The following KHDRBS2 variants were observed in gnomAD, a reference collection of about 807,000 sequenced individuals.
KHDRBS2 encodes KH RNA binding domain containing, signal transduction associated 2, also known as KH domain-containing, RNA-binding, signal transduction-associated protein 2.
KHDRBS2 carries 26 observed loss-of-function variants against 44.3 expected under a neutral mutation model. That is an observed-to-expected ratio of 0.59 (90% CI 0.43 to 0.81). KHDRBS2 has a LOEUF of 0.81. Among genes scored for constraint, KHDRBS2 ranks in the 40% least tolerant of loss-of-function variants. The pLI, the probability that KHDRBS2 is intolerant of heterozygous loss-of-function variation, is 0.00. For synonymous variants in KHDRBS2, 194 were observed against 151.1 expected (o/e 1.28, Z -2.08); for missense variants, 476 against 433.1 (o/e 1.10, Z -0.88).
intron 2 of KHDRBS2, among the ~76,000 whole-genome samples, chr6:62,167,281 G>T (rs1401363183): frequency 1.3e-5 from 2 of 151,754 alleles, no homozygotes; most frequent in Non-Finnish European, 2.9e-5. Flanking sequence ...ATTCGTAAGG[G>T]GTCATAAAAA....
intron 6 of KHDRBS2, among the ~76,000 whole-genome samples, chr6:61,883,256 G>A (rs922982989): frequency 1.3e-5 from 2 of 151,980 alleles, no homozygotes; most frequent in African/African-American, 4.8e-5. Flanking sequence ...ATGGCAGTTT[G>A]TCATTTTTGC....
intron 1 of KHDRBS2, among the ~76,000 whole-genome samples, chr6:62,199,713 T>C (rs1268928015): frequency 6.6e-6 from 1 of 152,154 alleles, no homozygotes; most frequent in African/African-American, 2.4e-5. Context: ...ATGACTTTCT[T>C]CACAGAATTC....
chr6:62,009,394 C>T lies in KHDRBS2; in HGVS notation c.337-31182G>A, dbSNP rs190371557. Among the ~76,000 whole-genome samples the T allele has an allele frequency of 5.9e-5, 9 of 152,236 alleles. No homozygotes were observed. In the East Asian group the frequency reaches 1.3e-3, roughly 23 times the overall value. On this transcript the variant is annotated intron_variant, in intron 3 of 8. Transcript: ENST00000281156. ...AAGGCATTCAATTTCAAAAGAGAAA[C>T]AGAGCATAAAAGTTTGGAATAGTTG...
intron 2 of KHDRBS2, among the ~76,000 whole-genome samples, chr6:62,067,860 C>T (rs959422866): frequency 2.0e-5 from 3 of 151,542 alleles, no homozygotes; most frequent in Non-Finnish European, 4.4e-5. Context: ...CTTTAGCTTA[C>T]TGTCTTTTAG....
At chr6:62,091,071 A>C (rs903744965) in intron 2 of KHDRBS2, among the ~76,000 whole-genome samples, 6 of 152,128 alleles carry the variant, frequency 3.9e-5, no homozygotes, top group African/African-American at 1.4e-4. Flanking sequence ...TTGCTCTGCC[A>C]TCTGGAACAG....
At chr6:62,274,122 C>T (rs1314258392) in intron 1 of KHDRBS2, among the ~76,000 whole-genome samples, 2 of 151,742 alleles carry the variant, frequency 1.3e-5, no homozygotes, top group Non-Finnish European at 2.9e-5. Flanking sequence ...TTTTAGTAGA[C>T]ACGGGGTTTA....
chr6:61,987,167 A>G (rs148634015), intron 3 of KHDRBS2, among the ~76,000 whole-genome samples: 2 of 152,308 alleles, frequency 1.3e-5, no homozygotes, highest in Non-Finnish European at 2.9e-5. Context: ...CAGCCTTCGA[A>G]TTCCTCACCT....
chr6:62,251,106 C>T (rs187001618), intron 1 of KHDRBS2, among the ~76,000 whole-genome samples: 17 of 151,860 alleles, frequency 1.1e-4, no homozygotes, highest in Non-Finnish European at 2.4e-4. Context: ...TACACACTGA[C>T]CTACTTACGG....
At position 61,708,098 on chromosome 6, in the gene KHDRBS2, A is replaced by G. The variant is rs151200489; in HGVS notation, c.894-10845T>C. ...ATTGGCCTTTAATCTGAGGACTTCA[A>G]GATAATTAAAACATACAAGTTAATC... On this transcript the variant is annotated intron_variant, in intron 7 of 8. Transcript: ENST00000281156. Among the ~76,000 whole-genome samples the G allele has an allele frequency of 5.9e-5, 9 of 151,776 alleles. No individual in the cohort carries two copies. The East Asian group carries it at 1.8e-3, about 30-fold the overall frequency.
chr6:61,967,969 C>A (rs1447385466), intron 4 of KHDRBS2, among the ~76,000 whole-genome samples: 2 of 148,694 alleles, frequency 1.3e-5, no homozygotes, highest in Non-Finnish European at 3.0e-5. Flanking sequence ...CACACACACA[C>A]ACATGCACAC....
intron 4 of KHDRBS2, among the ~76,000 whole-genome samples, chr6:61,962,871 A>C (rs1313030404): frequency 1.3e-5 from 2 of 152,054 alleles, no homozygotes; most frequent in Non-Finnish European, 2.9e-5. Context: ...GGAAGCTCAG[A>C]TTTTCAGTTA....
At chr6:62,103,119 A>G (rs1802283405) in intron 2 of KHDRBS2, among the ~76,000 whole-genome samples, 1 of 152,124 alleles carries the variant, frequency 6.6e-6, no homozygotes, top group African/African-American at 2.4e-5. Context: ...CCAACCAGCC[A>G]AAAGGCATCA....
intron 1 of KHDRBS2, among the ~76,000 whole-genome samples, chr6:62,235,012 C>T (rs1022390360): frequency 6.7e-6 from 1 of 148,228 alleles, no homozygotes; most frequent in Non-Finnish European, 1.5e-5. Flanking sequence ...ATTCCCAAAA[C>T]TTATTCTATT....
At chr6:62,273,930 C>T (rs1294534468) in intron 1 of KHDRBS2, among the ~76,000 whole-genome samples, 1 of 151,958 alleles carries the variant, frequency 6.6e-6, no homozygotes. Flanking sequence ...TTACATTTTA[C>T]TTGAATTCTT....
intron 3 of KHDRBS2, among the ~76,000 whole-genome samples, chr6:62,025,828 A>T (rs1464495812): frequency 1.3e-5 from 2 of 151,984 alleles, no homozygotes; most frequent in African/African-American, 4.8e-5. Context: ...TTTGCTTATT[A>T]TTTCACTGTT....
intron 2 of KHDRBS2, among the ~76,000 whole-genome samples, chr6:62,068,754 T>A (rs1299219321): frequency 6.6e-6 from 1 of 151,634 alleles, no homozygotes; most frequent in Non-Finnish European, 1.5e-5. Context: ...GAAAACACTA[T>A]TCTTTACCTA....
chr6:61,852,495 C>A lies in KHDRBS2; in HGVS notation c.810+42140G>T, dbSNP rs527524413. Among the ~76,000 whole-genome samples the A allele has an allele frequency of 2.7e-5, 4 of 149,782 alleles. No homozygotes were observed. In the Admixed American group the frequency reaches 2.7e-4, roughly 10 times the overall value. The stretch of plus-strand genomic sequence containing the variant: ...AGGAGAATCATTTGAACCCGGGAGG[C>A]AGAGGCTGCAGTGAGACGAGATCGC... On this transcript the variant is annotated intron_variant, in intron 6 of 8. Transcript: ENST00000281156.
intron 7 of KHDRBS2, among the ~76,000 whole-genome samples, chr6:61,727,483 G>A (rs1773763316): frequency 6.6e-6 from 1 of 151,884 alleles, no homozygotes; most frequent in African/African-American, 2.4e-5. Context: ...TCATCAGAAC[G>A]AACAGAATGG....
At chr6:61,671,833 T>A in the KHDRBS2 span, among the ~76,000 whole-genome samples, 1 of 151,830 alleles carries the variant, frequency 6.6e-6, no homozygotes, top group African/African-American at 2.4e-5. Flanking sequence ...ACCCTTATTC[T>A]TTTTTTAAAT....
Sources: gnomAD v4.1 joint callset for allele counts (sites outside exome capture counted in the v4.1 genomes callset) on GRCh38, gnomAD v4.1.1 for gene constraint, MANE v1.5 for transcripts, NCBI Gene and HGNC (gene_info 2026-07-23, HGNC 2026-07-21) for gene names.